AKR1C8: variants seen among roughly 807,000 people sequenced by gnomAD.
AKR1C8 encodes the protein aldo-keto reductase family 1 member C-like protein 1.
At chr10:5,184,814 A>T in the AKR1C8 span, among the ~76,000 whole-genome samples, 74 of 152,340 alleles carry the variant, frequency 4.9e-4, no homozygotes, top group East Asian at 0.013. Context: ...GAATCCCCAC[A>T]ATCAATAACT....
chr10:5,175,815 G>C, the AKR1C8 span, among the ~76,000 whole-genome samples: 10 of 138,926 alleles, frequency 7.2e-5, no homozygotes, highest in East Asian at 1.9e-4. Flanking sequence ...CCCACTTTTT[G>C]ATGGGGTTGT....
At chr10:5,166,797 T>A in the AKR1C8 span, among the ~76,000 whole-genome samples, 1 of 152,088 alleles carries the variant, frequency 6.6e-6, no homozygotes, top group Non-Finnish European at 1.5e-5. Flanking sequence ...TGGGATCTAA[T>A]TAAACTCAAG....
At chr10:5,115,923 G>C in the AKR1C8 span, among the ~76,000 whole-genome samples, 1 of 152,118 alleles carries the variant, frequency 6.6e-6, no homozygotes, top group Non-Finnish European at 1.5e-5. Context: ...CATGGTCATA[G>C]CCAGTATTGA....
At chr10:5,146,369 A>G in the AKR1C8 span, among the ~76,000 whole-genome samples, 1 of 152,140 alleles carries the variant, frequency 6.6e-6, no homozygotes, top group Non-Finnish European at 1.5e-5. Flanking sequence ...AAAAAAAATT[A>G]TTCAATAAAA....
the AKR1C8 span, among the ~76,000 whole-genome samples, chr10:5,116,777 T>C: frequency 6.6e-6 from 1 of 152,162 alleles, no homozygotes; most frequent in Admixed American, 6.6e-5. Context: ...AAAGGGGCTG[T>C]AGTGCTGCAG....
chr10:5,154,294 C>G, the AKR1C8 span: 4 of 425,110 alleles, frequency 9.4e-6, no homozygotes, highest in Non-Finnish European at 2.0e-5. Flanking sequence ...CACGTCCCTA[C>G]TTGTACCTCG....
chr10:5,164,600 G>C, the AKR1C8 span, among the ~76,000 whole-genome samples: 1 of 152,064 alleles, frequency 6.6e-6, no homozygotes, highest in Non-Finnish European at 1.5e-5. Context: ...CTGGGCCCCT[G>C]TCAGTGAATA....
the AKR1C8 span, chr10:5,155,077 G>C: frequency 6.6e-6 from 1 of 152,172 alleles, no homozygotes; most frequent in Non-Finnish European, 1.5e-5. Context: ...GGAAATGGGA[G>C]TTGTGGTAGG....
At chr10:5,131,203 T>TA in the AKR1C8 span, among the ~76,000 whole-genome samples, 1 of 152,088 alleles carries the variant, frequency 6.6e-6, no homozygotes, top group South Asian at 2.1e-4. Flanking sequence ...AACTTAAGTC[T>TA]AAGACCTGAA....
chr10:5,133,625 A>G, the AKR1C8 span, among the ~76,000 whole-genome samples: 2 of 152,198 alleles, frequency 1.3e-5, no homozygotes, highest in Admixed American at 1.3e-4. Flanking sequence ...ACATTGACCC[A>G]GTCTGTGTAC....
the AKR1C8 span, among the ~76,000 whole-genome samples, chr10:5,124,270 T>C: frequency 1.3e-5 from 2 of 152,110 alleles, no homozygotes; most frequent in African/African-American, 4.8e-5. Context: ...CAATAATAAG[T>C]AAAATCAATC....
chr10:5,183,962 T>C, the AKR1C8 span, among the ~76,000 whole-genome samples: 1 of 152,236 alleles, frequency 6.6e-6, no homozygotes, highest in Non-Finnish European at 1.5e-5. Context: ...AGTCTCTTTT[T>C]CTTTTGTGGG....
the AKR1C8 span, among the ~76,000 whole-genome samples, chr10:5,146,097 AAC>A: frequency 6.6e-6 from 1 of 151,386 alleles, no homozygotes; most frequent in Non-Finnish European, 1.5e-5. Context: ...CTATTGCAAG[AAC>A]AAAAAACCAA....
chr10:5,176,631 G>A, the AKR1C8 span, among the ~76,000 whole-genome samples: 1 of 151,906 alleles, frequency 6.6e-6, no homozygotes, highest in Non-Finnish European at 1.5e-5. Flanking sequence ...TCTTCCATTT[G>A]TTTGTATCCT....
chr10:5,153,779 C>A, the AKR1C8 span, among the ~76,000 whole-genome samples: 4 of 152,150 alleles, frequency 2.6e-5, no homozygotes, highest in African/African-American at 9.7e-5. Flanking sequence ...CCACCAGATC[C>A]CTCCTCCAAT....
At chr10:5,183,982 G>A in the AKR1C8 span, among the ~76,000 whole-genome samples, 1 of 152,218 alleles carries the variant, frequency 6.6e-6, no homozygotes, top group South Asian at 2.1e-4. Context: ...GCATGTATAT[G>A]GTGGGCTCCA....
the AKR1C8 span, chr10:5,123,794 C>T: frequency 3.7e-6 from 6 of 1,613,206 alleles, no homozygotes; most frequent in Non-Finnish European, 5.1e-6. Flanking sequence ...GCAGTTTGCT[C>T]TGGTTGAGGT....
chr10:5,123,075 T>C, the AKR1C8 span, among the ~76,000 whole-genome samples: 1 of 152,216 alleles, frequency 6.6e-6, no homozygotes, highest in Non-Finnish European at 1.5e-5. Context: ...TCTCTGGTTT[T>C]GGTTCCATCC....
the AKR1C8 span, among the ~76,000 whole-genome samples, chr10:5,176,596 C>T: frequency 6.6e-6 from 1 of 151,520 alleles, no homozygotes; most frequent in African/African-American, 2.4e-5. Context: ...GATATTGATT[C>T]TTCCTACCCA....
Sources: allele counts gnomAD v4.1 joint callset (sites outside exome capture counted in the v4.1 genomes callset), GRCh38; gene constraint gnomAD v4.1.1; transcripts MANE v1.5; gene names NCBI Gene and HGNC (gene_info 2026-07-23, HGNC 2026-07-21).